The following SEM1 variants were observed in gnomAD, a reference collection of about 807,000 sequenced individuals.
SEM1 encodes the protein SEM1 26S proteasome subunit, also known as 26S proteasome complex subunit SEM1.
SEM1 carries 3 observed loss-of-function variants against 12.7 expected under a neutral mutation model. The observed-to-expected ratio is 0.24, with a 90% CI of 0.11 to 0.61. The LOEUF (loss-of-function observed/expected upper bound fraction) is 0.61, where lower values mean the gene tolerates loss of function less well. Among genes scored for constraint, SEM1 ranks in the 20% least tolerant of loss-of-function variants. SEM1 has a pLI of 0.88. For missense variants in SEM1, 59 were observed against 81.3 expected (o/e 0.73, Z 1.06); for synonymous variants, 30 against 27.8 (o/e 1.08, Z -0.25).
intron 1 of SEM1, among the ~76,000 whole-genome samples, chr7:96,494,734 G>A (rs1184464823): frequency 6.6e-6 from 1 of 151,488 alleles, no homozygotes; most frequent in East Asian, 1.9e-4. Context: ...TGGAGAGAGA[G>A]CAAAAGGGAA....
intron 2 of SEM1, among the ~76,000 whole-genome samples, chr7:96,547,208 A>G (rs1408854355): frequency 6.6e-6 from 1 of 152,152 alleles, no homozygotes; most frequent in Admixed American, 6.5e-5. Flanking sequence ...GATGCTTCTT[A>G]TATCTCCAGT....
intron 2 of SEM1, among the ~76,000 whole-genome samples, chr7:96,630,981 C>T (rs1808241400): frequency 6.6e-6 from 1 of 152,184 alleles, no homozygotes; most frequent in Non-Finnish European, 1.5e-5. Flanking sequence ...GATGTCCTAT[C>T]CTGCTGTGGC....
At chr7:96,607,468 T>G (rs2116221151) in intron 2 of SEM1, among the ~76,000 whole-genome samples, 1 of 152,364 alleles carries the variant, frequency 6.6e-6, no homozygotes, top group South Asian at 2.1e-4. Context: ...GAGGAAGAAA[T>G]GTTTATGGTA....
chr7:96,548,299 C>G (rs1366857234), intron 2 of SEM1, among the ~76,000 whole-genome samples: 5 of 152,050 alleles, frequency 3.3e-5, no homozygotes, highest in African/African-American at 1.2e-4. Flanking sequence ...CCCATCTTTC[C>G]TAAGAGGAGC....
intron 2 of SEM1, among the ~76,000 whole-genome samples, chr7:96,689,738 A>G (rs1361475261): frequency 1.3e-5 from 2 of 152,182 alleles, no homozygotes; most frequent in African/African-American, 4.8e-5. Context: ...ATAGTGAGCT[A>G]ATTTCCATAA....
At chr7:96,493,216 T>A (rs557359081) in intron 1 of SEM1, among the ~76,000 whole-genome samples, 1 of 152,272 alleles carries the variant, frequency 6.6e-6, no homozygotes, top group South Asian at 2.1e-4. Flanking sequence ...CTGCCCACCT[T>A]GGCCTGGGAT....
chr7:96,607,037 A>G (rs1807402066), intron 2 of SEM1, among the ~76,000 whole-genome samples: 1 of 152,156 alleles, frequency 6.6e-6, no homozygotes, highest in Admixed American at 6.5e-5. Context: ...ATACATTTCT[A>G]TACCTAAAAG....
At chr7:96,582,412 A>G (rs867558528) in intron 2 of SEM1, among the ~76,000 whole-genome samples, 8 of 150,520 alleles carry the variant, frequency 5.3e-5, no homozygotes, top group African/African-American at 2.0e-4. Flanking sequence ...ATGTTCATCA[A>G]GGATATTGGT....
At chr7:96,572,705 T>C (rs761954866) in intron 2 of SEM1, among the ~76,000 whole-genome samples, 4 of 152,228 alleles carry the variant, frequency 2.6e-5, no homozygotes, top group Non-Finnish European at 4.4e-5. Context: ...CTTCCAATTA[T>C]GTGGTCATTT....
chr7:96,659,907 A>C (rs1788933765), intron 2 of SEM1, among the ~76,000 whole-genome samples: 1 of 128,000 alleles, frequency 7.8e-6, no homozygotes, highest in African/African-American at 3.1e-5. Flanking sequence ...AAAGAAAGTA[A>C]GATGGCAAAA....
chr7:96,690,827 G>C (rs986785889), intron 2 of SEM1, among the ~76,000 whole-genome samples: 2 of 152,150 alleles, frequency 1.3e-5, no homozygotes, highest in African/African-American at 4.8e-5. Context: ...CTGGAGTGCA[G>C]TGGTGCCATC....
intron 2 of SEM1, among the ~76,000 whole-genome samples, chr7:96,585,629 C>T (rs576300936): frequency 3.3e-5 from 5 of 152,242 alleles, no homozygotes; most frequent in Non-Finnish European, 5.9e-5. Context: ...ACTACATGGG[C>T]TTAGGACCCT....
chr7:96,517,117 A>G (rs1804118935), intron 2 of SEM1, among the ~76,000 whole-genome samples: 2 of 152,164 alleles, frequency 1.3e-5, no homozygotes, highest in Non-Finnish European at 2.9e-5. Context: ...TAGGGAAGTG[A>G]AAATACTCTT....
At chr7:96,510,253 GGA>G (rs1430958857) in intron 2 of SEM1, among the ~76,000 whole-genome samples, 1 of 151,990 alleles carries the variant, frequency 6.6e-6, no homozygotes, top group East Asian at 1.9e-4. Flanking sequence ...TTAACAATGG[GGA>G]TATGTTCTGA....
At chr7:96,619,772 C>A (rs1349297159), downstream of SEM1, among the ~76,000 whole-genome samples, 1 of 152,044 alleles carries the variant, frequency 6.6e-6, no homozygotes, top group Non-Finnish European at 1.5e-5. Flanking sequence ...CACAGCCACC[C>A]ATAGCAGGGC....
intron 2 of SEM1, chr7:96,656,471 C>T (rs1330378580): frequency 6.6e-6 from 1 of 152,142 alleles, no homozygotes; most frequent in Non-Finnish European, 1.5e-5. Context: ...CAGATCCAAG[C>T]ATGACAGTTT....
intron 2 of SEM1, among the ~76,000 whole-genome samples, chr7:96,641,301 T>C (rs1808584802): frequency 6.6e-6 from 1 of 151,976 alleles, no homozygotes; most frequent in Admixed American, 6.6e-5. Flanking sequence ...CAAACAATTT[T>C]CAGGCTTATT....
downstream of SEM1, among the ~76,000 whole-genome samples, chr7:96,687,228 C>T (rs1334929255): frequency 7.2e-5 from 11 of 152,104 alleles, no homozygotes; most frequent in Non-Finnish European, 1.3e-4. Flanking sequence ...GTCAGTGTGG[C>T]GATTCCTCAG....
At chr7:96,702,793 AAATGAGAATAAT>A (rs1790309700) in intron 1 of SEM1, among the ~76,000 whole-genome samples, 1 of 152,236 alleles carries the variant, frequency 6.6e-6, no homozygotes, top group Non-Finnish European at 1.5e-5. Flanking sequence ...GTAATGGAAC[AAATGAGAATAAT>A]GTTCCACCTA....
Sources: gnomAD v4.1 joint callset for allele counts (sites outside exome capture counted in the v4.1 genomes callset) on GRCh38, gnomAD v4.1.1 for gene constraint, MANE v1.5 for transcripts, NCBI Gene and HGNC (gene_info 2026-07-23, HGNC 2026-07-21) for gene names.